CRYM: variants seen among roughly 807,000 people sequenced by gnomAD.
CRYM encodes the protein crystallin mu, also known as ketimine reductase mu-crystallin.
In CRYM, 18 loss-of-function variants were observed where a neutral mutation model predicts 32.9. The observed-to-expected ratio is 0.55, with a 90% CI of 0.38 to 0.81. CRYM has a LOEUF of 0.81. Ranked by LOEUF, CRYM falls within the 30% of genes least tolerant of loss-of-function variation. CRYM has a pLI of 0.00. For synonymous variants in CRYM, 153 were observed against 152.4 expected (o/e 1.00, Z -0.03); for missense variants, 337 against 393.5 (o/e 0.86, Z 1.21).
upstream of CRYM, among the ~76,000 whole-genome samples, chr16:21,283,059 T>A (rs1001710997): frequency 2.6e-5 from 4 of 152,210 alleles, no homozygotes; most frequent in Non-Finnish European, 5.9e-5. Context: ...CCCTGAGACC[T>A]TGTCCTGGGA....
chr16:21,272,620 C>T (rs1227265558), intron 3 of CRYM, among the ~76,000 whole-genome samples: 1 of 151,590 alleles, frequency 6.6e-6, no homozygotes, highest in African/African-American at 2.4e-5. Flanking sequence ...CAGCACTTGT[C>T]AGCGTTGTAG....
At chr16:21,263,657 A>G (rs1567231562) in intron 5 of CRYM, among the ~76,000 whole-genome samples, 1 of 152,210 alleles carries the variant, frequency 6.6e-6, no homozygotes, top group Non-Finnish European at 1.5e-5. Flanking sequence ...CACATCCTCT[A>G]TGGAGTCCAG....
chr16:21,272,542 T>G (rs1432191132), intron 3 of CRYM, among the ~76,000 whole-genome samples: 1 of 152,188 alleles, frequency 6.6e-6, no homozygotes, highest in Non-Finnish European at 1.5e-5. Context: ...TCCTTCAATC[T>G]CAGCTCAAAT....
chr16:21,261,635 T>C (rs1016890361), intron 6 of CRYM: 8 of 503,510 alleles, frequency 1.6e-5, no homozygotes, highest in African/African-American at 1.9e-5. Flanking sequence ...TGCTGTTATC[T>C]GAACATGCAT....
At chr16:21,282,799 C>G (rs1161174562), upstream of CRYM, among the ~76,000 whole-genome samples, 59 of 152,106 alleles carry the variant, frequency 3.9e-4, 1 homozygote, top group Admixed American at 3.8e-3. Flanking sequence ...ACTGAGAAAA[C>G]TAGTCTTGGT....
chr16:21,261,913 C>A, intron 6 of CRYM, 124 bp downstream of exon 6: 1 of 1,180,246 alleles, frequency 8.5e-7, no homozygotes, highest in East Asian at 2.4e-5. Context: ...AGCTCCTTCC[C>A]CTACAAGGAG....
chr16:21,287,007 G>A (rs12599873), intron 1 of CRYM, among the ~76,000 whole-genome samples: 38,304 of 151,512 alleles, frequency 0.25, 5,026 homozygotes, highest in African/African-American at 0.31. Context: ...GGAGAATGGC[G>A]TGAACCCAGG....
At chr16:21,268,346 T>G (rs2093368310) in intron 4 of CRYM, among the ~76,000 whole-genome samples, 1 of 152,184 alleles carries the variant, frequency 6.6e-6, no homozygotes, top group African/African-American at 2.4e-5. Context: ...GTAAATGGCA[T>G]AGCCAATGAA....
intron 3 of CRYM, among the ~76,000 whole-genome samples, chr16:21,273,036 T>C (rs977760167): frequency 6.6e-6 from 1 of 152,012 alleles, no homozygotes; most frequent in African/African-American, 2.4e-5. Context: ...GGGCAAGTAC[T>C]GTATCTGGTT....
intron 3 of CRYM, among the ~76,000 whole-genome samples, chr16:21,273,236 G>A (rs2629089): frequency 0.27 from 40,801 of 151,966 alleles, 5,927 homozygotes; most frequent in African/African-American, 0.36. Context: ...CTAGAGCTCC[G>A]TATACTTATT....
chr16:21,262,173 A>G lies in CRYM; in HGVS notation c.674-15T>C, dbSNP rs2093355786. 6 of 1,613,870 alleles carry G rather than the reference A, an allele frequency of 3.7e-6. No individual in the cohort carries two copies. In the South Asian group the frequency reaches 6.6e-5, roughly 18 times the overall value. Reference sequence around the variant, plus strand: ...GGCTCCAACAGCTAAGAGACAGCAAAACAGACCTTAAGCCCAGGATTAGTG... The same window carrying G: ...GGCTCCAACAGCTAAGAGACAGCAAGACAGACCTTAAGCCCAGGATTAGTG... On this transcript the variant is annotated splice_polypyrimidine_tract_variant and intron_variant, in intron 5 of 7. Transcript: ENST00000572914.
At chr16:21,275,489 C>CT in intron 3 of CRYM, 43 bp downstream of exon 3, 1 of 1,578,628 alleles carries the variant, frequency 6.3e-7, no homozygotes, top group Non-Finnish European at 8.7e-7. Flanking sequence ...CCAGACCCCA[C>CT]TTGACAGCTC....
chr16:21,295,932 TAA>T (rs35539330), intron 1 of CRYM, among the ~76,000 whole-genome samples: 7 of 141,594 alleles, frequency 4.9e-5, no homozygotes, highest in East Asian at 2.0e-4. Context: ...AGACTCCGTC[TAA>T]AAAAAAAAAA....
At chr16:21,301,742 C>A (rs962153994) in intron 1 of CRYM, among the ~76,000 whole-genome samples, 2 of 152,230 alleles carry the variant, frequency 1.3e-5, no homozygotes, top group Non-Finnish European at 2.9e-5. Flanking sequence ...GTGCAGCCAG[C>A]TCCCGGCCGG....
At chr16:21,292,433 A>G (rs1960681417) in intron 1 of CRYM, among the ~76,000 whole-genome samples, 1 of 152,154 alleles carries the variant, frequency 6.6e-6, no homozygotes, top group Non-Finnish European at 1.5e-5. Flanking sequence ...ACTTGAGATA[A>G]TGGAGAAATA....
chr16:21,297,156 G>A (rs1277805296), intron 1 of CRYM, among the ~76,000 whole-genome samples: 3 of 152,148 alleles, frequency 2.0e-5, no homozygotes, highest in African/African-American at 4.8e-5. Flanking sequence ...CACTTTGGGA[G>A]GCCAAGGCAG....
chr16:21,297,873 G>A (rs1318020493), intron 1 of CRYM, among the ~76,000 whole-genome samples: 1 of 152,084 alleles, frequency 6.6e-6, no homozygotes, highest in African/African-American at 2.4e-5. Flanking sequence ...CCAACTCTGC[G>A]GTATGTAAGA....
At chr16:21,261,220 G>T in intron 7 of CRYM, 34 bp downstream of exon 7, 3 of 1,547,188 alleles carry the variant, frequency 1.9e-6, no homozygotes, top group Non-Finnish European at 2.7e-6. Flanking sequence ...TTGTGCGCTA[G>T]TTGGATTTGT....
At position 21,277,905 on chromosome 16, in the gene CRYM, C is replaced by T. The variant is rs2093390269; in HGVS notation, c.170+177G>A. 6.6e-6 allele frequency among the ~76,000 whole-genome samples: 1 copy of T among 152,132 alleles called. No individual in the cohort carries two copies. The highest frequency in any genetic ancestry group is 1.5e-5 in the Non-Finnish European group (1 of 68,024). The stretch of plus-strand genomic sequence containing the variant: ...TAGGTGGAGAGTGTGCTGAAATAAA[C>T]AAGGTAACACCTGTAAAACGCCCAC... On this transcript the variant is annotated intron_variant, in intron 1 of 7. Coordinates refer to ENST00000572914, the MANE Select transcript of CRYM (RefSeq NM_001376256.1). This position sits in a 1 kb window ranked among gnomAD's most constrained non-coding sequence, Gnocchi z 4.2.
Sources: gnomAD v4.1 joint callset for allele counts (sites outside exome capture counted in the v4.1 genomes callset) on GRCh38, gnomAD v4.1.1 for gene constraint, Gnocchi (gnomAD v3.1) non-coding constraint, MANE v1.5 for transcripts, NCBI Gene and HGNC (gene_info 2026-07-23, HGNC 2026-07-21) for gene names.